The following USP18 variants were observed in gnomAD, a reference collection of about 807,000 sequenced individuals.
USP18 encodes ubl carboxyl-terminal hydrolase 18.
USP18 carries 11 observed loss-of-function variants against 48.7 expected under a neutral mutation model. The observed-to-expected ratio is 0.23, with a 90% CI of 0.14 to 0.37. USP18 has a LOEUF of 0.37. Among genes scored for constraint, USP18 ranks in the 10% least tolerant of loss-of-function variants. The probability of loss-of-function intolerance (pLI) is 1.00; values close to 1 mark genes in which losing one functional copy is unlikely to be tolerated. For missense variants in USP18, 285 were observed against 436.4 expected (o/e 0.65, Z 3.09); for synonymous variants, 114 against 163.2 (o/e 0.70, Z 2.30).
At chr22:18,157,408 C>A (rs1179421570) in intron 1 of USP18, 150 bp from the exon 2 acceptor site, 1 of 438,062 alleles carries the variant, frequency 2.3e-6, no homozygotes, top group African/African-American at 2.0e-5. Flanking sequence ...GATGTGTAGC[C>A]TAGCTGTCAT....
chr22:18,152,071 TAAAAAAA>T (rs1287335007), intron 1 of USP18, among the ~76,000 whole-genome samples: 1 of 151,568 alleles, frequency 6.6e-6, no homozygotes, highest in Non-Finnish European at 1.5e-5. Context: ...AAAATAAAAA[TAAAAAAA>T]GAAAAAAGAA....
At chr22:18,171,796 G>A (rs1301043378) in intron 8 of USP18, among the ~76,000 whole-genome samples, 3 of 152,046 alleles carry the variant, frequency 2.0e-5, no homozygotes, top group African/African-American at 7.2e-5. Flanking sequence ...CTAGAACCAT[G>A]ACATTTAGAA....
chr22:18,173,693 G>T (rs1352179983), intron 9 of USP18, 100 bp from the exon 10 acceptor site: 11 of 1,553,576 alleles, frequency 7.1e-6, no homozygotes, highest in Middle Eastern at 1.7e-4. Flanking sequence ...GTTGCTAGGG[G>T]TGGGCTTGTC....
chr22:18,172,371 C>T (rs546967569), intron 8 of USP18, among the ~76,000 whole-genome samples: 47 of 152,304 alleles, frequency 3.1e-4, no homozygotes, highest in Non-Finnish European at 6.3e-4. Flanking sequence ...CTCCATCTTG[C>T]AATTCCTTAA....
chr22:18,164,574 C>G (rs565668671), intron 4 of USP18, among the ~76,000 whole-genome samples: 1 of 151,034 alleles, frequency 6.6e-6, no homozygotes, highest in Non-Finnish European at 1.5e-5. Flanking sequence ...CTCATTGGCT[C>G]CAGGTGCAGG....
intron 1 of USP18, among the ~76,000 whole-genome samples, chr22:18,154,904 C>T (rs1929089140): frequency 6.6e-6 from 1 of 152,196 alleles, no homozygotes; most frequent in Non-Finnish European, 1.5e-5. Flanking sequence ...TTGGGCTCGT[C>T]TTTCATCAGG....
intron 10 of USP18, among the ~76,000 whole-genome samples, chr22:18,174,357 A>T (rs1159114179): frequency 6.6e-6 from 1 of 150,806 alleles, no homozygotes; most frequent in African/African-American, 2.4e-5. Flanking sequence ...CCTCCTGAGT[A>T]GCTGGGACTA....
At chr22:18,158,071 T>C (rs549533493) in intron 2 of USP18, among the ~76,000 whole-genome samples, 1 of 152,240 alleles carries the variant, frequency 6.6e-6, no homozygotes, top group East Asian at 1.9e-4. Flanking sequence ...AAGTGGATCA[T>C]GAGGTCGGGA....
chr22:18,152,009 C>G (rs361604), intron 1 of USP18, among the ~76,000 whole-genome samples: 75,658 of 151,928 alleles, frequency 0.5, 19,937 homozygotes, highest in East Asian at 0.68. Context: ...AGCCAAGATC[C>G]GGCCACTGCA....
chr22:18,167,927 A>G lies in USP18; in HGVS notation c.518A>G (p.Lys173Arg), dbSNP rs1602529156. The change falls in exon 6 of 11, where the codon AAG becomes AGG. Residue 173 changes from lysine (K) to arginine (R), a missense_variant. Lys to Arg is a conservative substitution (Grantham distance 26, BLOSUM62 2). Coordinates refer to ENST00000215794, the MANE Select transcript of USP18 (RefSeq NM_017414.4). The part of the protein sequence containing the change: ...RLQALYTIRV[K>R]DSLICVDCAM... ...CAGGCCCTGTATACGATCCGGGTGA[A>G]GGACTCCTTGATTTGCGTTGACTGT... 6.2e-7 allele frequency: 1 copy of G among 1,613,848 alleles called. No individual in the cohort carries two copies. Among genetic ancestry groups the G allele is most frequent in the African/African-American group, 1.3e-5 (1 of 74,818 alleles).
chr22:18,174,213 G>GTTTTA (rs1037105206), intron 10 of USP18, among the ~76,000 whole-genome samples: 1 of 148,260 alleles, frequency 6.7e-6, no homozygotes, highest in Admixed American at 6.7e-5. Flanking sequence ...TTCTTGTATG[G>GTTTTA]TTTTCTTTTC....
At chr22:18,174,511 T>C (rs1303497220) in intron 10 of USP18, among the ~76,000 whole-genome samples, 3 of 152,212 alleles carry the variant, frequency 2.0e-5, no homozygotes, top group Non-Finnish European at 4.4e-5. Flanking sequence ...ATTACAGGCA[T>C]GAGCCACCAC....
chr22:18,157,494 C>T (rs1929193188), intron 1 of USP18, 64 bp from the exon 2 acceptor site: 1 of 832,000 alleles, frequency 1.2e-6, no homozygotes, highest in Non-Finnish European at 1.9e-6. Context: ...GGCATCAGAA[C>T]GGATTACATG....
At chr22:18,170,946 A>G in intron 8 of USP18, 26 bp downstream of exon 8, 2 of 1,084,404 alleles carry the variant, frequency 1.8e-6, no homozygotes, top group South Asian at 3.0e-5. Context: ...CCTCCTTGCC[A>G]TCCTGCCTCT....
At chr22:18,153,531 T>C (rs962028461) in intron 1 of USP18, among the ~76,000 whole-genome samples, 1 of 152,088 alleles carries the variant, frequency 6.6e-6, no homozygotes, top group Non-Finnish European at 1.5e-5. Context: ...CTCAACTGAT[T>C]CTCCTGCCTC....
chr22:18,161,914 C>G lies in USP18; in HGVS notation c.379C>G (p.Leu127Val). The G allele has an allele frequency of 1.9e-6, 3 of 1,613,508 alleles. No individual in the cohort carries two copies. Among genetic ancestry groups the G allele is most frequent in the Non-Finnish European group, 2.5e-6 (3 of 1,179,714 alleles). The change falls in exon 4 of 11, where the codon CTG becomes GTG. Residue 127 changes from leucine (L) to valine (V), a missense_variant. Physicochemically the swap from Leu to Val is conservative, Grantham distance 32 (BLOSUM62 1). Around this residue, in one of 5 missense-constraint regions of USP18, gnomAD observed 199 missense variants for 239.6 expected, o/e 0.83. Transcript: ENST00000215794. The part of the protein sequence containing the change: ...AVRPLELAYC[L>V]QKCNVPLFVQ... Reference sequence around the variant, plus strand: ...GCGGCCCCTGGAGCTGGCCTACTGCCTGCAGAAGTGCAACGTGCCCTGTAA... The same window carrying G: ...GCGGCCCCTGGAGCTGGCCTACTGCGTGCAGAAGTGCAACGTGCCCTGTAA...
intron 4 of USP18, among the ~76,000 whole-genome samples, chr22:18,163,652 G>GA (rs544573227): frequency 1.3e-3 from 170 of 131,200 alleles, no homozygotes; most frequent in African/African-American, 3.2e-3. Flanking sequence ...CAGAAAAAAA[G>GA]AAAAAAAAAA....
chr22:18,157,907 A>G (rs1323118663), intron 2 of USP18, 87 bp downstream of exon 2: 1 of 1,535,676 alleles, frequency 6.5e-7, no homozygotes, highest in Non-Finnish European at 8.9e-7. Context: ...AGAGCTTTGT[A>G]TTCGACGGCT....
chr22:18,159,166 C>T (rs1219362232), intron 2 of USP18, among the ~76,000 whole-genome samples: 1 of 152,094 alleles, frequency 6.6e-6, no homozygotes, highest in Non-Finnish European at 1.5e-5. Flanking sequence ...AGCAGTTCTC[C>T]TTCCTCAGCC....
Sources: gnomAD v4.1 joint callset for allele counts (sites outside exome capture counted in the v4.1 genomes callset) on GRCh38, gnomAD v4.1.1 for gene constraint, gnomAD v4.1.1 regional missense constraint, MANE v1.5 for transcripts, NCBI Gene and HGNC (gene_info 2026-07-23, HGNC 2026-07-21) for gene names.